DST: variants seen among roughly 807,000 people sequenced by gnomAD.
DST encodes bullous pemphigoid antigen.
In DST, 253 loss-of-function variants were observed where a neutral mutation model predicts 875.2. The observed-to-expected ratio is 0.29, with a 90% CI of 0.26 to 0.32. DST has a LOEUF of 0.32. Ranked by LOEUF, DST falls within the 10% of genes least tolerant of loss-of-function variation. The pLI is 1.00. For missense variants in DST, 8,287 were observed against 9,111.6 expected, an observed-to-expected ratio of 0.91 and a Z score of 3.68; for synonymous variants, 3,124 against 3,197.1, an observed-to-expected ratio of 0.98 and a Z score of 0.77.
intron 47 of DST, among the ~76,000 whole-genome samples, chr6:56,594,816 C>T (rs1320127849): frequency 6.6e-6 from 1 of 152,226 alleles, no homozygotes; most frequent in African/African-American, 2.4e-5. Context: ...ATAACTCCTA[C>T]ACATCACAGG....
chr6:56,862,542 A>ACTTCAT (rs144432323), intron 3 of DST, among the ~76,000 whole-genome samples: 95 of 152,138 alleles, frequency 6.2e-4, no homozygotes, highest in Middle Eastern at 3.4e-3. Context: ...TGGGGCCCAG[A>ACTTCAT]CTTCATCTTC....
intron 4 of DST, among the ~76,000 whole-genome samples, chr6:56,779,655 T>G (rs2099687865): frequency 1.3e-5 from 2 of 151,936 alleles, no homozygotes. Context: ...ATTTCCCCAT[T>G]TCTTGTTTTT....
chr6:56,676,489 T>C (rs958739805), intron 9 of DST, among the ~76,000 whole-genome samples: 1 of 152,136 alleles, frequency 6.6e-6, no homozygotes, highest in African/African-American at 2.4e-5. Flanking sequence ...AAAATAGAAC[T>C]ACCATATAAT....
chr6:56,656,795 T>C (rs528434961), intron 10 of DST, among the ~76,000 whole-genome samples: 6 of 152,182 alleles, frequency 3.9e-5, no homozygotes, highest in Non-Finnish European at 8.8e-5. Flanking sequence ...ATTATACTTC[T>C]ACTACTGGGC....
chr6:56,716,622 G>A (rs1033227381), intron 5 of DST, among the ~76,000 whole-genome samples: 1 of 152,236 alleles, frequency 6.6e-6, no homozygotes, highest in Non-Finnish European at 1.5e-5. Context: ...AACTGCCTTT[G>A]TGAAAATTAC....
At chr6:56,937,093 A>C (rs1027760958) in intron 2 of DST, among the ~76,000 whole-genome samples, 3 of 152,166 alleles carry the variant, frequency 2.0e-5, no homozygotes, top group South Asian at 4.1e-4. Context: ...GCAGCAGGAA[A>C]CTTATTTTAT....
rs1456315505 is a variant in DST at position 56,605,054 on chromosome 6, T to G, written c.9574A>C (p.Lys3192Gln). The change falls in exon 40 of 104, where the codon AAA becomes CAA. Residue 3192 changes from lysine (K) to glutamine (Q), a missense_variant. Lys to Gln is a moderately conservative substitution (Grantham distance 53). Around this residue, in one of 10 missense-constraint regions of DST, gnomAD observed 3,138 missense variants for 3,116.6 expected, o/e 1.01. Transcript: ENST00000680361. ...TYLKHCAKNIKAKDVAKPNED... is the reference protein window; with the variant it reads ...TYLKHCAKNIQAKDVAKPNED... ...TTTGGTTTGGCTACATCTTTTGCTTTTATATTTTTAGCACAATGTTTTAAG... is the reference window on the plus strand; with the variant it reads ...TTTGGTTTGGCTACATCTTTTGCTTGTATATTTTTAGCACAATGTTTTAAG... 1.2e-6 allele frequency: 2 copies of G among 1,612,788 alleles called. No homozygotes were observed. Among genetic ancestry groups the G allele is most frequent in the South Asian group, 1.1e-5 (1 of 91,040 alleles).
intron 4 of DST, among the ~76,000 whole-genome samples, chr6:56,771,457 T>A: frequency 6.6e-6 from 1 of 152,224 alleles, no homozygotes; most frequent in East Asian, 1.9e-4. Flanking sequence ...TTTCCTGTAC[T>A]GAATGCAGAG....
At position 56,530,021 on chromosome 6, in the gene DST, T is replaced by C. The variant is rs535045295; in HGVS notation, c.17221A>G (p.Ile5741Val). 177 of 1,613,618 alleles carry C rather than the reference T, an allele frequency of 1.1e-4. 2 individuals are homozygous for C. In the South Asian group the frequency reaches 1.8e-3, roughly 16 times the overall value. ...IEKRLVNCEPIGTQASKLEEQ... is the reference protein window; with the variant it reads ...IEKRLVNCEPVGTQASKLEEQ... The stretch of plus-strand genomic sequence containing the variant: ...TCAAGTTTAGATGCTTGGGTTCCTA[T>C]GGGTTCACAATTCACCAGCCTCTTT... Residue 5741 changes from isoleucine to valine, a missense_variant, in exon 65 of 104, where the codon ATA becomes GTA. Physicochemically the swap from Ile to Val is conservative, Grantham distance 29. Coordinates refer to ENST00000680361, the MANE Select transcript of DST (RefSeq NM_001374736.1).
At chr6:56,924,003 A>G in intron 2 of DST, among the ~76,000 whole-genome samples, 1 of 152,156 alleles carries the variant, frequency 6.6e-6, no homozygotes, top group South Asian at 2.1e-4. Context: ...ACATGCCTGT[A>G]GTCACAGCTA....
rs34769867 is a variant in DST, at chr6:56,712,090, CA to C, written c.688-7722del. Among the ~76,000 whole-genome samples the C allele has an allele frequency of 9.2e-3, 705 of 76,514 alleles. 18 individuals are homozygous for C. Among genetic ancestry groups the C allele is most frequent in the African/African-American group, 0.02 (526 of 26,110 alleles). The allele number at this position is 76,514 out of a possible 152,430, so 50.2% of individuals were successfully genotyped here. A position where few individuals can be genotyped will look rare whatever the true frequency, so the allele number is the denominator to read the frequency against. On this transcript the variant is annotated intron_variant, in intron 5 of 103. Transcript: ENST00000680361. ...TGGGCGACAGAGCGAGACTCCGTCT[CA>C]AAAAAAAAAAAAAAATAGGAGGAGG...
intron 2 of DST, among the ~76,000 whole-genome samples, chr6:56,916,711 C>T (rs1482002099): frequency 2.7e-5 from 4 of 150,462 alleles, no homozygotes; most frequent in African/African-American, 4.9e-5. Flanking sequence ...ATGATGGGGC[C>T]ACTGTACTCC....
At chr6:56,569,813 A>G (rs762711649) in intron 54 of DST, 43 bp downstream of exon 54, 2 of 1,541,268 alleles carry the variant, frequency 1.3e-6, no homozygotes, top group Non-Finnish European at 8.9e-7. Flanking sequence ...ATCTTTCATT[A>G]TTGACACAAA....
chr6:56,794,219 A>G (rs1157346422), intron 4 of DST, among the ~76,000 whole-genome samples: 2 of 152,236 alleles, frequency 1.3e-5, no homozygotes, highest in African/African-American at 4.8e-5. Flanking sequence ...CAGAGCTGAC[A>G]TGCAAAATAG....
chr6:56,590,283 C>A (rs897789898), intron 49 of DST, among the ~76,000 whole-genome samples: 8 of 152,052 alleles, frequency 5.3e-5, no homozygotes, highest in African/African-American at 1.9e-4. Context: ...AATTAAAAAA[C>A]CATCACATTC....
At chr6:56,753,279 T>G (rs1290890963) in intron 4 of DST, among the ~76,000 whole-genome samples, 1 of 152,134 alleles carries the variant, frequency 6.6e-6, no homozygotes, top group Non-Finnish European at 1.5e-5. Flanking sequence ...GCTAAAAAGC[T>G]GGGAGTCTAT....
intron 3 of DST, among the ~76,000 whole-genome samples, chr6:56,897,305 TGG>T (rs145216598): frequency 7.3e-6 from 1 of 137,156 alleles, no homozygotes; most frequent in Non-Finnish European, 1.6e-5. Context: ...GGTTTTTTTT[TGG>T]GGGGGGGGTT....
chr6:56,524,276 G>A (rs9475714), intron 69 of DST, among the ~76,000 whole-genome samples: 100,262 of 151,450 alleles, frequency 0.66, 33,608 homozygotes, highest in Non-Finnish European at 0.71. Flanking sequence ...CTATTCTTAC[G>A]TTTCCCTACA....
chr6:56,773,846 G>A (rs954289752), intron 4 of DST, among the ~76,000 whole-genome samples: 1 of 152,080 alleles, frequency 6.6e-6, no homozygotes, highest in Non-Finnish European at 1.5e-5. Context: ...GGCTGGGCGC[G>A]GTGGCTCACG....
Sources: allele counts gnomAD v4.1 joint callset (sites outside exome capture counted in the v4.1 genomes callset), GRCh38; gene constraint gnomAD v4.1.1; regional missense constraint gnomAD v4.1.1; transcripts MANE v1.5; gene names NCBI Gene and HGNC (gene_info 2026-07-23, HGNC 2026-07-21).